Variants in SGCD observed in about 807,000 individuals in gnomAD.
The protein encoded by SGCD is sarcoglycan delta, also known as delta-sarcoglycan.
In SGCD, 18 loss-of-function variants were observed where a neutral mutation model predicts 36.6. The observed-to-expected ratio is 0.49, with a 90% confidence interval of 0.34 to 0.73. The LOEUF (loss-of-function observed/expected upper bound fraction) is 0.73, where lower values mean the gene tolerates loss of function less well. Ranked by LOEUF, SGCD falls within the 30% of genes least tolerant of loss-of-function variation. SGCD has a pLI of 0.01. For missense variants in SGCD, 387 were observed against 346.7 expected, an observed-to-expected ratio of 1.12 and a Z score of -0.92; for synonymous variants, 133 against 130.6, an observed-to-expected ratio of 1.02 and a Z score of -0.12.
At chr5:156,685,738 A>G (rs1753881829) in intron 7 of SGCD, among the ~76,000 whole-genome samples, 1 of 152,248 alleles carries the variant, frequency 6.6e-6, no homozygotes. Flanking sequence ...CAGTATCTAC[A>G]GTACCTACTT....
the SGCD span, among the ~76,000 whole-genome samples, chr5:155,763,597 A>G: frequency 6.6e-6 from 1 of 152,274 alleles, no homozygotes; most frequent in African/African-American, 2.4e-5. Flanking sequence ...TGTAATAGAC[A>G]ATAGAAAAAA....
chr5:156,148,554 A>AT (rs1561539823), intron 3 of SGCD, among the ~76,000 whole-genome samples: 1 of 152,154 alleles, frequency 6.6e-6, no homozygotes, highest in East Asian at 1.9e-4. Flanking sequence ...CTTTTTATTT[A>AT]TTTTTTTAAT....
intron 4 of SGCD, among the ~76,000 whole-genome samples, chr5:156,559,632 G>A (rs1184541552): frequency 6.6e-6 from 1 of 152,172 alleles, no homozygotes; most frequent in African/African-American, 2.4e-5. Context: ...TTCCTCATCT[G>A]TAAAATGGGA....
chr5:156,085,054 C>G (rs1761059869), intron 1 of SGCD, among the ~76,000 whole-genome samples: 1 of 152,094 alleles, frequency 6.6e-6, no homozygotes, highest in Non-Finnish European at 1.5e-5. Flanking sequence ...ATCAATTGGT[C>G]ATGATGTGTA....
At chr5:156,456,584 G>A (rs1754273122) in intron 3 of SGCD, among the ~76,000 whole-genome samples, 1 of 152,146 alleles carries the variant, frequency 6.6e-6, no homozygotes, top group African/African-American at 2.4e-5. Context: ...GCTGCCTATA[G>A]CAAAGTGCAA....
chr5:156,683,104 G>A (rs1753781701), intron 7 of SGCD, among the ~76,000 whole-genome samples: 1 of 152,168 alleles, frequency 6.6e-6, no homozygotes, highest in Non-Finnish European at 1.5e-5. Context: ...GTGAGTGATA[G>A]CCAAGCCTTA....
At chr5:156,146,572 T>G (rs185170390) in intron 3 of SGCD, among the ~76,000 whole-genome samples, 1 of 152,238 alleles carries the variant, frequency 6.6e-6, no homozygotes, top group Non-Finnish European at 1.5e-5. Context: ...ATTACAACTC[T>G]AACTTTAGTT....
chr5:156,308,372 C>T lies in SGCD; in HGVS notation c.-43-21162C>T, dbSNP rs145114543. 1.4e-3 allele frequency among the ~76,000 whole-genome samples: 212 copies of T among 151,680 alleles called. 1 individual carries two copies. Among genetic ancestry groups the T allele is most frequent in the East Asian group, 0.013 (65 of 5,138 alleles). ...GGATTGCAGTGGCGCAATCTCGGCT[C>T]ACTGAAAGCTCCGCCTCCCGGGTTC... is the stretch of plus-strand genomic sequence containing the variant. On this transcript the variant is annotated intron_variant, in intron 3 of 9. Coordinates refer to the SGCD transcript ENST00000517913.
intron 7 of SGCD, among the ~76,000 whole-genome samples, chr5:156,648,027 A>T (rs1354535953): frequency 6.6e-6 from 1 of 152,138 alleles, no homozygotes; most frequent in Non-Finnish European, 1.5e-5. Flanking sequence ...GTGCTGCCTT[A>T]GCAGAGGATG....
intron 6 of SGCD, among the ~76,000 whole-genome samples, chr5:156,615,260 T>TTA (rs1455985716): frequency 3.3e-5 from 5 of 152,242 alleles, no homozygotes; most frequent in African/African-American, 1.2e-4. Context: ...GAATTGGACA[T>TTA]TATAGCATTT....
the SGCD span, among the ~76,000 whole-genome samples, chr5:155,771,406 G>A: frequency 1.3e-5 from 2 of 151,636 alleles, no homozygotes; most frequent in East Asian, 3.9e-4. Context: ...GCACCATCAT[G>A]CCTGGCTAAT....
chr5:155,753,934 G>A, the SGCD span, among the ~76,000 whole-genome samples: 1 of 151,952 alleles, frequency 6.6e-6, no homozygotes, highest in South Asian at 2.1e-4. Flanking sequence ...TTTAGGCAGA[G>A]TTCCCAAAAC....
At chr5:156,701,883 A>T (rs1304719904) in intron 7 of SGCD, among the ~76,000 whole-genome samples, 1 of 152,220 alleles carries the variant, frequency 6.6e-6, no homozygotes, top group Non-Finnish European at 1.5e-5. Flanking sequence ...TTTCTTGAGG[A>T]CATTAAATAG....
chr5:156,262,788 T>G (rs1212447843), intron 3 of SGCD, among the ~76,000 whole-genome samples: 1 of 152,132 alleles, frequency 6.6e-6, no homozygotes, highest in Non-Finnish European at 1.5e-5. Context: ...CATACAGTGT[T>G]TGGTTTGCCA....
chr5:156,541,290 C>T (rs1758338968), intron 4 of SGCD, among the ~76,000 whole-genome samples: 1 of 152,106 alleles, frequency 6.6e-6, no homozygotes, highest in African/African-American at 2.4e-5. Flanking sequence ...GAATTTTAAG[C>T]TGGCAGAGGA....
chr5:155,958,762 A>G (rs139744541), intron 1 of SGCD, among the ~76,000 whole-genome samples: 1 of 152,100 alleles, frequency 6.6e-6, no homozygotes, highest in Non-Finnish European at 1.5e-5. Flanking sequence ...GATAACAATA[A>G]TGCCTACCTC....
chr5:156,290,314 C>T (rs1766724963), intron 3 of SGCD, among the ~76,000 whole-genome samples: 2 of 152,128 alleles, frequency 1.3e-5, no homozygotes, highest in Admixed American at 1.3e-4. Context: ...AACTACTGTG[C>T]TAACCAAGAC....
At chr5:156,127,416 C>T (rs1265353616) in intron 3 of SGCD, among the ~76,000 whole-genome samples, 5 of 151,832 alleles carry the variant, frequency 3.3e-5, no homozygotes, top group Non-Finnish European at 7.4e-5. Flanking sequence ...CCAGCCTGGG[C>T]AACATAGCAA....
intron 3 of SGCD, among the ~76,000 whole-genome samples, chr5:156,479,645 C>T (rs1755339184): frequency 6.6e-6 from 1 of 152,200 alleles, no homozygotes; most frequent in African/African-American, 2.4e-5. Flanking sequence ...AGAATCCCTG[C>T]ATTTGTCCTT....
Sources: allele counts gnomAD v4.1 joint callset (sites outside exome capture counted in the v4.1 genomes callset), GRCh38; gene constraint gnomAD v4.1.1; transcripts MANE v1.5; gene names NCBI Gene and HGNC (gene_info 2026-07-23, HGNC 2026-07-21).